Variants in IQSEC1 observed in about 807,000 individuals in gnomAD.
IQSEC1 encodes the protein IQ motif and SEC7 domain-containing protein 1.
A neutral mutation model predicts 91.0 loss-of-function variants in IQSEC1; 31 were observed. The ratio of observed to expected loss-of-function variants is 0.34; its 90% CI spans 0.26 to 0.46. The LOEUF (loss-of-function observed/expected upper bound fraction) is 0.46, where lower values mean the gene tolerates loss of function less well. Among genes scored for constraint, IQSEC1 ranks in the 20% least tolerant of loss-of-function variants. The pLI, the probability that IQSEC1 is intolerant of heterozygous loss-of-function variation, is 1.00. For synonymous variants in IQSEC1, 699 were observed against 662.6 expected (o/e 1.05, Z -0.84); for missense variants, 1,388 against 1,575.6 (o/e 0.88, Z 2.02).
rs748366559 is a variant in IQSEC1 at position 12,936,087 on chromosome 3, C to T, written c.929G>A (p.Arg310Gln). Residue 310 changes from arginine (R) to glutamine (Q), a missense_variant, in exon 3 of 14, where the codon CGG becomes CAG. Physicochemically the swap from Arg to Gln is conservative, Grantham distance 43 (BLOSUM62 1). Transcript: ENST00000613206. ...CAGGTCCGACTCGGTGCTGGACGGC[C>T]GGTCCCCTGCCTGCGAGAGGGGCAG... ...PPLPLSQAGD[R>Q]PSSTESDLRL... 33 of 1,609,800 alleles carry T rather than the reference C, an allele frequency of 2.0e-5. No individual in the cohort carries two copies. The highest frequency in any genetic ancestry group is 1.0e-4 in the Admixed American group (6 of 59,996).
chr3:13,197,582 T>A (rs542354116), intron 1 of IQSEC1, among the ~76,000 whole-genome samples: 13 of 152,330 alleles, frequency 8.5e-5, no homozygotes, highest in African/African-American at 2.9e-4. Flanking sequence ...CTGCCCGCCC[T>A]ATTCAGCAGC....
At chr3:13,017,421 T>A (rs1703187692) in intron 1 of IQSEC1, among the ~76,000 whole-genome samples, 1 of 152,152 alleles carries the variant, frequency 6.6e-6, no homozygotes, top group Non-Finnish European at 1.5e-5. Context: ...CCTCTTCCCA[T>A]GTGTCAGAGT....
At chr3:12,932,155 G>A (rs1287217658) in intron 3 of IQSEC1, among the ~76,000 whole-genome samples, 1 of 152,212 alleles carries the variant, frequency 6.6e-6, no homozygotes, top group African/African-American at 2.4e-5. Flanking sequence ...ACCAGGTACA[G>A]GAGCAGGAGA....
intron 6 of IQSEC1, among the ~76,000 whole-genome samples, chr3:12,918,513 AAAGT>A (rs746941802): frequency 1.3e-5 from 2 of 152,082 alleles, no homozygotes; most frequent in Non-Finnish European, 2.9e-5. Context: ...AGGAGGTTCT[AAAGT>A]AAGAAAAAAA....
chr3:13,110,671 C>T (rs1706228472), intron 2 of IQSEC1, among the ~76,000 whole-genome samples: 1 of 152,192 alleles, frequency 6.6e-6, no homozygotes, highest in Non-Finnish European at 1.5e-5. Flanking sequence ...TGACATCTCA[C>T]TCTGGCCTTC....
At chr3:13,080,716 C>T (rs1274782375) in intron 2 of IQSEC1, among the ~76,000 whole-genome samples, 1 of 152,176 alleles carries the variant, frequency 6.6e-6, no homozygotes, top group African/African-American at 2.4e-5. Context: ...GGCAAGTGCG[C>T]TCCCTCCCTG....
intron 2 of IQSEC1, among the ~76,000 whole-genome samples, chr3:13,126,910 A>C (rs1166634395): frequency 1.3e-5 from 2 of 152,186 alleles, no homozygotes; most frequent in Non-Finnish European, 2.9e-5. Flanking sequence ...CTAGGTCCTA[A>C]AGATTTTCTA....
rs558998953 is a variant in IQSEC1 at position 12,992,601 on chromosome 3, C to T, written c.24-50736G>A. Among the ~76,000 whole-genome samples, 13 of 152,308 alleles carry T rather than the reference C, an allele frequency of 8.5e-5. No homozygotes were observed. Among genetic ancestry groups the T allele is most frequent in the South Asian group, 4.1e-4 (2 of 4,824 alleles). ...GGTGGAGCCTGACCACAAAATGAAACGGTGGCTCATCAAAGTGCACAACCA... is the reference window on the plus strand; with the variant it reads ...GGTGGAGCCTGACCACAAAATGAAATGGTGGCTCATCAAAGTGCACAACCA... On this transcript the variant is annotated intron_variant, in intron 1 of 13. Coordinates refer to ENST00000613206, the MANE Select transcript of IQSEC1 (RefSeq NM_001134382.3). This position sits in a 1 kb window ranked among gnomAD's most constrained non-coding sequence, Gnocchi z 4.1.
rs75919829 is a variant in IQSEC1, at chr3:13,259,011, C to G, written c.272+23700G>C. 2.0e-5 allele frequency among the ~76,000 whole-genome samples: 3 copies of G among 152,136 alleles called. No individual in the cohort carries two copies. ...ATCATCTTTCCCCTGGGCCTCAGCA[C>G]AGCCCCTACCCTCTTTCCCTATAGT... is the stretch of plus-strand genomic sequence containing the variant. On this transcript the variant is annotated intron_variant, in intron 1 of 15. Coordinates refer to the IQSEC1 transcript ENST00000648114. The surrounding 1 kb of genome is among the most constrained non-coding windows in gnomAD (Gnocchi z 4.6).
At chr3:12,977,024 G>A (rs939463039) in intron 1 of IQSEC1, among the ~76,000 whole-genome samples, 1 of 152,160 alleles carries the variant, frequency 6.6e-6, no homozygotes, top group African/African-American at 2.4e-5. Context: ...GAACCCATCA[G>A]CTAAAGATTT....
intron 2 of IQSEC1, among the ~76,000 whole-genome samples, chr3:13,139,188 G>A (rs1263430637): frequency 6.6e-6 from 1 of 152,208 alleles, no homozygotes; most frequent in African/African-American, 2.4e-5. Context: ...GGGCCTCGTG[G>A]GCTAAGTGAT....
chr3:12,933,446 C>T (rs534207139), intron 3 of IQSEC1, among the ~76,000 whole-genome samples: 3 of 152,304 alleles, frequency 2.0e-5, no homozygotes, highest in South Asian at 2.1e-4. Context: ...GTCACAGTCC[C>T]GCGCCCTGAG....
intron 1 of IQSEC1, among the ~76,000 whole-genome samples, chr3:13,222,946 C>A (rs1214283003): frequency 1.3e-5 from 2 of 152,244 alleles, no homozygotes; most frequent in East Asian, 3.8e-4. Context: ...AGACTCAGCT[C>A]CAGCCCCTCA....
intron 2 of IQSEC1, among the ~76,000 whole-genome samples, chr3:13,114,182 G>A (rs1706297578): frequency 6.6e-6 from 1 of 152,206 alleles, no homozygotes; most frequent in African/African-American, 2.4e-5. Flanking sequence ...GAGTCTGAAG[G>A]AGAACCCACG....
At chr3:13,052,167 C>T (rs1328431572) in intron 1 of IQSEC1, among the ~76,000 whole-genome samples, 2 of 152,230 alleles carry the variant, frequency 1.3e-5, no homozygotes, top group African/African-American at 2.4e-5. Flanking sequence ...ACCGTCTCCT[C>T]ACCAGGCTCT....
intron 1 of IQSEC1, among the ~76,000 whole-genome samples, chr3:13,060,686 C>T (rs879478813): frequency 4.6e-5 from 7 of 152,288 alleles, no homozygotes; most frequent in Middle Eastern, 3.4e-3. Flanking sequence ...GGGTGGGGGC[C>T]GGTATGTCTG....
intron 1 of IQSEC1, among the ~76,000 whole-genome samples, chr3:13,266,248 C>A (rs937491368): frequency 1.1e-4 from 16 of 152,250 alleles, no homozygotes; most frequent in African/African-American, 3.9e-4. Context: ...CTGCACTTGG[C>A]ACATTGTGGC....
chr3:13,108,762 G>C lies in IQSEC1; in HGVS notation c.302+55342C>G, dbSNP rs1393209294. Among the ~76,000 whole-genome samples, 3 of 152,198 alleles carry C rather than the reference G, an allele frequency of 2.0e-5. No individual in the cohort carries two copies. The East Asian group carries it at 5.8e-4, about 29-fold the overall frequency. On this transcript the variant is annotated intron_variant, in intron 2 of 15. Coordinates refer to the IQSEC1 transcript ENST00000648114. ...ATGGACAAAACTTAAAAACACATCA[G>C]TGAATCAAAAAGGGTAAGTCGCAAC...
At chr3:13,031,870 G>T (rs1042891268) in intron 1 of IQSEC1, among the ~76,000 whole-genome samples, 3 of 152,100 alleles carry the variant, frequency 2.0e-5, no homozygotes, top group African/African-American at 7.2e-5. Flanking sequence ...CTAAGAAGGC[G>T]GTGGAGGAGG....
Sources: allele counts gnomAD v4.1 joint callset (sites outside exome capture counted in the v4.1 genomes callset), GRCh38; gene constraint gnomAD v4.1.1; non-coding constraint Gnocchi (gnomAD v3.1); transcripts MANE v1.5; gene names NCBI Gene and HGNC (gene_info 2026-07-23, HGNC 2026-07-21).